The following FSTL4 variants were observed in gnomAD, a reference collection of about 807,000 sequenced individuals.
FSTL4 encodes the protein follistatin like 4.
FSTL4 carries 28 observed loss-of-function variants against 78.2 expected under a neutral mutation model. The observed-to-expected ratio is 0.36, with a 90% confidence interval of 0.27 to 0.49. The LOEUF (loss-of-function observed/expected upper bound fraction) is 0.49, where lower values mean the gene tolerates loss of function less well. Ranked by LOEUF, FSTL4 falls within the 20% of genes least tolerant of loss-of-function variation. The pLI is 0.98. For synonymous variants in FSTL4, 422 were observed against 440.5 expected (o/e 0.96, Z 0.53); for missense variants, 922 against 1,084.9 (o/e 0.85, Z 2.11).
the FSTL4 span, among the ~76,000 whole-genome samples, chr5:133,673,479 C>T: frequency 6.6e-6 from 1 of 152,322 alleles, no homozygotes; most frequent in African/African-American, 2.4e-5. Flanking sequence ...GGTAGCTTGT[C>T]AGCACACCTG....
intron 3 of FSTL4, among the ~76,000 whole-genome samples, chr5:133,413,014 T>C (rs571673140): frequency 6.6e-6 from 1 of 152,280 alleles, no homozygotes; most frequent in African/African-American, 2.4e-5. Flanking sequence ...TGGTTCCTTA[T>C]TTTGAATCAA....
the FSTL4 span, among the ~76,000 whole-genome samples, chr5:133,680,614 T>G: frequency 6.6e-6 from 1 of 152,182 alleles, no homozygotes; most frequent in Non-Finnish European, 1.5e-5. Flanking sequence ...CAGAAGAACT[T>G]GCCTCCCAAT....
chr5:133,785,969 G>A, the FSTL4 span, among the ~76,000 whole-genome samples: 1 of 152,186 alleles, frequency 6.6e-6, no homozygotes, highest in African/African-American at 2.4e-5. Flanking sequence ...GACACCTTTG[G>A]GGGATTTTTG....
At chr5:133,711,514 C>T in the FSTL4 span, among the ~76,000 whole-genome samples, 25 of 152,198 alleles carry the variant, frequency 1.6e-4, no homozygotes, top group Non-Finnish European at 3.5e-4. Flanking sequence ...AGGTCTCTTC[C>T]CATGGGAAAA....
intron 2 of FSTL4, among the ~76,000 whole-genome samples, chr5:133,572,403 G>GA (rs1478659474): frequency 2.0e-5 from 3 of 151,558 alleles, no homozygotes; most frequent in Non-Finnish European, 2.9e-5. Context: ...TTTAAAATTT[G>GA]AAAAAAACAT....
chr5:133,284,023 C>T (rs1011289693), intron 6 of FSTL4, among the ~76,000 whole-genome samples: 2 of 152,150 alleles, frequency 1.3e-5, no homozygotes, highest in South Asian at 2.1e-4. Context: ...AAATTTGATC[C>T]CATGATCCAA....
At chr5:133,359,112 A>G (rs1012095640) in intron 4 of FSTL4, among the ~76,000 whole-genome samples, 1 of 152,170 alleles carries the variant, frequency 6.6e-6, no homozygotes, top group African/African-American at 2.4e-5. Flanking sequence ...ATGTGTAACA[A>G]TGCATAGGAT....
chr5:133,339,094 C>T (rs1251725373), intron 4 of FSTL4, among the ~76,000 whole-genome samples: 1 of 152,156 alleles, frequency 6.6e-6, no homozygotes. Context: ...CTCACACACC[C>T]GTTCTGGCGA....
At chr5:133,486,063 T>A (rs1365803499) in intron 3 of FSTL4, among the ~76,000 whole-genome samples, 1 of 152,008 alleles carries the variant, frequency 6.6e-6, no homozygotes, top group Non-Finnish European at 1.5e-5. Context: ...CTCACACTCA[T>A]GAACATGTGG....
the FSTL4 span, among the ~76,000 whole-genome samples, chr5:133,642,092 G>A: frequency 0.015 from 2,359 of 152,272 alleles, 40 homozygotes; most frequent in Middle Eastern, 0.034. Context: ...GGTCCCAGCT[G>A]TGTAACCTGA....
At chr5:133,247,324 T>G (rs1337752807) in intron 7 of FSTL4, 1 of 152,264 alleles carries the variant, frequency 6.6e-6, no homozygotes, top group Non-Finnish European at 1.5e-5. Context: ...GAGTTGGTGC[T>G]GGAGGCATGT....
Position 133,611,024 on chromosome 5 carries a change from C to A in FSTL4, c.-11+1301G>T, listed in dbSNP as rs984413276. Among the ~76,000 whole-genome samples the A allele has an allele frequency of 6.6e-6, 1 of 152,164 alleles. No homozygotes were observed. The highest frequency in any genetic ancestry group is 2.4e-5 in the African/African-American group (1 of 41,442). The stretch of plus-strand genomic sequence containing the variant: ...CAATTCCTGGTGCACAGGCTTGCAA[C>A]AAATTTACGAAGGTAACAGACCAAG... On this transcript the variant is annotated intron_variant, in intron 1 of 15. Transcript: ENST00000265342. This position sits in a 1 kb window ranked among gnomAD's most constrained non-coding sequence, Gnocchi z 4.9.
the FSTL4 span, among the ~76,000 whole-genome samples, chr5:133,705,650 C>G: frequency 3.0e-3 from 457 of 152,324 alleles, 4 homozygotes; most frequent in African/African-American, 0.011. Flanking sequence ...GACAACCCAG[C>G]AGCCTAGGGG....
chr5:133,531,057 T>C (rs42567), intron 3 of FSTL4, among the ~76,000 whole-genome samples: 29,099 of 152,170 alleles, frequency 0.19, 3,174 homozygotes, highest in East Asian at 0.31. Flanking sequence ...ATAGGGCCGA[T>C]ATTCTTCTTT....
At chr5:133,341,075 C>T (rs1026614565) in intron 4 of FSTL4, among the ~76,000 whole-genome samples, 3 of 152,164 alleles carry the variant, frequency 2.0e-5, no homozygotes, top group Non-Finnish European at 4.4e-5. Context: ...CACTCTCATT[C>T]GCATCACACA....
intron 6 of FSTL4, among the ~76,000 whole-genome samples, chr5:133,289,204 C>T (rs1413202217): frequency 6.6e-6 from 1 of 152,164 alleles, no homozygotes; most frequent in Non-Finnish European, 1.5e-5. Context: ...CCCCAACTGC[C>T]CCGCTATTGA....
the FSTL4 span, among the ~76,000 whole-genome samples, chr5:133,756,475 A>G: frequency 5.8e-4 from 88 of 152,166 alleles, no homozygotes; most frequent in African/African-American, 2.1e-3. Context: ...GAGAAGGATC[A>G]TAGGGTAATA....
the FSTL4 span, among the ~76,000 whole-genome samples, chr5:133,797,128 C>A: frequency 6.6e-6 from 1 of 152,306 alleles, no homozygotes; most frequent in Admixed American, 6.5e-5. Context: ...GAGGTCCTGA[C>A]AAAGGGCACC....
the FSTL4 span, among the ~76,000 whole-genome samples, chr5:133,825,017 C>T: frequency 6.6e-6 from 1 of 152,224 alleles, no homozygotes; most frequent in Non-Finnish European, 1.5e-5. Context: ...TCATTCATTA[C>T]AACCACAGGG....
Sources: gnomAD v4.1 joint callset for allele counts (sites outside exome capture counted in the v4.1 genomes callset) on GRCh38, gnomAD v4.1.1 for gene constraint, Gnocchi (gnomAD v3.1) non-coding constraint, MANE v1.5 for transcripts, NCBI Gene and HGNC (gene_info 2026-07-23, HGNC 2026-07-21) for gene names.